The following ASXL3 variants were observed in gnomAD, a reference collection of about 807,000 sequenced individuals.
The protein encoded by ASXL3 is putative Polycomb group protein ASXL3.
Under a neutral mutation model 170.6 loss-of-function variants are expected in ASXL3, and 34 were observed. The observed-to-expected ratio is 0.20, with a 90% CI of 0.15 to 0.27. The LOEUF is 0.27. ASXL3 is among the 10% of genes least tolerant of loss of function. ASXL3 has a pLI of 1.00. For missense variants in ASXL3, 2,592 were observed against 2,695.3 expected (o/e 0.96, Z 0.85); for synonymous variants, 1,002 against 989.1 (o/e 1.01, Z -0.24).
chr18:33,638,146 T>TAA (rs1160968427), intron 2 of ASXL3, among the ~76,000 whole-genome samples: 11 of 150,420 alleles, frequency 7.3e-5, no homozygotes, highest in Non-Finnish European at 1.0e-4. Context: ...TATATATATA[T>TAA]AATACACGCA....
chr18:33,675,036 C>T (rs1239055885), intron 7 of ASXL3, among the ~76,000 whole-genome samples: 1 of 152,148 alleles, frequency 6.6e-6, no homozygotes, highest in Non-Finnish European at 1.5e-5. Flanking sequence ...TTGTTAACTC[C>T]TTGGAACAGT....
At chr18:33,656,506 A>G (rs1226838146) in intron 4 of ASXL3, among the ~76,000 whole-genome samples, 1 of 152,098 alleles carries the variant, frequency 6.6e-6, no homozygotes. Flanking sequence ...TATATAATGT[A>G]CAGATCCTGG....
chr18:33,579,543 C>T (rs149896962), intron 1 of ASXL3, among the ~76,000 whole-genome samples: 1 of 152,208 alleles, frequency 6.6e-6, no homozygotes, highest in African/African-American at 2.4e-5. Context: ...ATAGAAATGC[C>T]GGTTGGCAGA....
chr18:33,659,450 T>A (rs2066137316), intron 4 of ASXL3, among the ~76,000 whole-genome samples: 1 of 152,200 alleles, frequency 6.6e-6, no homozygotes, highest in Admixed American at 6.6e-5. Context: ...TAATAAAACA[T>A]ATATGCTAAT....
Position 33,646,474 on chromosome 18 carries a change from G to A in ASXL3, c.355+121G>A, listed in dbSNP as rs80101593. 8.2e-4 allele frequency: 525 copies of A among 642,472 alleles called. 4 individuals carry two copies. The African/African-American group carries it at 8.8e-3, about 11-fold the overall frequency. The allele number at this position is 642,472 out of a possible 1,614,324, so 39.8% of individuals were successfully genotyped here. On this transcript the variant is annotated intron_variant, in intron 4 of 11. Transcript: ENST00000269197. ...TACAGTTTTCTTCTAAATTTTTACC[G>A]CTGAGATTTATCATCAAGGTGTTTT...
In ASXL3 at chr18:33,738,960, T is replaced by C. The variant is rs775722413; in HGVS notation, c.1556T>C (p.Ile519Thr). Residue 519 changes from isoleucine (I) to threonine (T), a missense_variant, in exon 11 of 12, where the codon ATA becomes ACA. Transcript: ENST00000269197. ...LETLPHIEVK[I>T]EGKSESPQEE... ...ACTTTGCCTCATATTGAAGTTAAGA[T>C]AGAAGGGAAGTCAGAATCACCCCAG... 5 of 1,613,604 alleles carry C rather than the reference T, an allele frequency of 3.1e-6. No homozygotes were observed. The highest frequency in any genetic ancestry group is 1.7e-5 in the Admixed American group (1 of 59,924).
In ASXL3 at chr18:33,739,631, G is replaced by A. The variant is rs746658905; in HGVS notation, c.2227G>A (p.Val743Ile). ...SMLLTSETTF[V>I]SSLPLPSETS... ...GCTTCTCACCTCTGAGACCACTTTT[G>A]TATCCAGTTTGCCACTTCCTTCAGA... is the stretch of plus-strand genomic sequence containing the variant. The change falls in exon 11 of 12, where the codon GTA becomes ATA. Residue 743 changes from valine (V) to isoleucine (I), a missense_variant. Val to Ile is a conservative substitution (Grantham distance 29). Transcript: ENST00000269197. 6.2e-7 allele frequency: 1 copy of A among 1,613,666 alleles called. No homozygotes were observed. The highest frequency in any genetic ancestry group is 8.5e-7 in the Non-Finnish European group (1 of 1,179,820).
intron 1 of ASXL3, among the ~76,000 whole-genome samples, chr18:33,580,854 T>C (rs1325736571): frequency 6.6e-6 from 1 of 152,178 alleles, no homozygotes; most frequent in Admixed American, 6.5e-5. Flanking sequence ...AAGTTATTTT[T>C]CCCCTGGTAG....
intron 2 of ASXL3, among the ~76,000 whole-genome samples, chr18:33,624,317 A>G (rs901322345): frequency 1.3e-5 from 2 of 151,792 alleles, no homozygotes; most frequent in African/African-American, 4.8e-5. Context: ...TTTACTGTGA[A>G]GTTAAAACTT....
intron 2 of ASXL3, among the ~76,000 whole-genome samples, chr18:33,630,151 C>T (rs1367176253): frequency 6.6e-6 from 1 of 151,936 alleles, no homozygotes; most frequent in Non-Finnish European, 1.5e-5. Context: ...TTAAGTGTCA[C>T]ATACTAAGTC....
chr18:33,675,285 C>T (rs1207654831), intron 7 of ASXL3, among the ~76,000 whole-genome samples: 1 of 152,174 alleles, frequency 6.6e-6, no homozygotes, highest in East Asian at 1.9e-4. Flanking sequence ...GTAGCAGAAT[C>T]AGTGCAAAGG....
chr18:33,696,656 G>C (rs572318003), intron 8 of ASXL3, among the ~76,000 whole-genome samples: 18 of 152,162 alleles, frequency 1.2e-4, no homozygotes, highest in Middle Eastern at 3.4e-3. Context: ...AGGCAAGGGT[G>C]GAGCAGTCAG....
At chr18:33,580,517 C>T (rs1165217508) in intron 1 of ASXL3, among the ~76,000 whole-genome samples, 1 of 152,092 alleles carries the variant, frequency 6.6e-6, no homozygotes, top group African/African-American at 2.4e-5. Flanking sequence ...CATGAATTAG[C>T]CATATCTGCC....
At chr18:33,642,426 C>T (rs964844805) in intron 2 of ASXL3, among the ~76,000 whole-genome samples, 3 of 151,652 alleles carry the variant, frequency 2.0e-5, no homozygotes, top group Admixed American at 1.3e-4. Flanking sequence ...AGTTTTTCCT[C>T]CATAAAGGAA....
rs2067807516 is a variant in ASXL3, at chr18:33,747,057, T to A, written c.*462T>A. The A allele has an allele frequency of 6.5e-6, 1 of 153,858 alleles. No homozygotes were observed. Among genetic ancestry groups the A allele is most frequent in the African/African-American group, 2.4e-5 (1 of 41,524 alleles). The allele number at this position is 153,858 out of a possible 1,614,324, so 9.5% of individuals were successfully genotyped here. On this transcript the variant is annotated 3_prime_UTR_variant, in exon 12 of 12. Transcript: ENST00000269197. ...TTCTCTGAACCTAGCTTTACCACAG[T>A]GATTAAATCCTATTTAGAAAGGGGA...
intron 2 of ASXL3, among the ~76,000 whole-genome samples, chr18:33,615,799 A>G (rs760186207): frequency 2.8e-4 from 43 of 152,166 alleles, no homozygotes; most frequent in Non-Finnish European, 5.7e-4. Flanking sequence ...ATTATATAAT[A>G]CTCTGATACT....
At chr18:33,586,529 A>G (rs772526524) in intron 1 of ASXL3, among the ~76,000 whole-genome samples, 2 of 151,864 alleles carry the variant, frequency 1.3e-5, no homozygotes, top group African/African-American at 4.8e-5. Flanking sequence ...TAAAAATCAG[A>G]TTTCTTGATA....
intron 8 of ASXL3, among the ~76,000 whole-genome samples, chr18:33,713,888 T>C (rs1162337730): frequency 2.6e-5 from 4 of 152,210 alleles, no homozygotes; most frequent in African/African-American, 7.2e-5. Flanking sequence ...GTTAGGTACA[T>C]TCCTAGAAAG....
rs1165991321 is a variant in ASXL3, at chr18:33,743,011, G to A, written c.3163G>A (p.Ala1055Thr). Residue 1055 changes from alanine to threonine, a missense_variant, in exon 12 of 12, where the codon GCA becomes ACA. Coordinates refer to ENST00000269197, the MANE Select transcript of ASXL3 (RefSeq NM_030632.3). The part of the protein sequence containing the change: ...GGRNTGARTL[A>T]DIKARAQQAR... ...GAGGAACACAGGAGCCAGGACCCTCGCAGATATCAAGGCCCGGGCCCAACA... is the reference window on the plus strand; with the variant it reads ...GAGGAACACAGGAGCCAGGACCCTCACAGATATCAAGGCCCGGGCCCAACA... 1.9e-6 allele frequency: 3 copies of A among 1,613,760 alleles called. No individual in the cohort carries two copies. Among genetic ancestry groups the A allele is most frequent in the East Asian group, 2.2e-5 (1 of 44,872 alleles).
Sources: allele counts gnomAD v4.1 joint callset (sites outside exome capture counted in the v4.1 genomes callset), GRCh38; gene constraint gnomAD v4.1.1; transcripts MANE v1.5; gene names NCBI Gene and HGNC (gene_info 2026-07-23, HGNC 2026-07-21).